THBS4: variants seen among roughly 807,000 people sequenced by gnomAD.
The protein encoded by THBS4 is thrombospondin 4.
THBS4 carries 90 observed loss-of-function variants against 115.7 expected under a neutral mutation model. The observed-to-expected ratio is 0.78, with a 90% CI of 0.66 to 0.93. The LOEUF (loss-of-function observed/expected upper bound fraction) is 0.93. Ranked by LOEUF, THBS4 falls within the 40% of genes least tolerant of loss-of-function variation. THBS4 has a pLI of 0.00. For synonymous variants in THBS4, 460 were observed against 479.3 expected, an observed-to-expected ratio of 0.96 and a Z score of 0.53; for missense variants, 1,087 against 1,232.7, an observed-to-expected ratio of 0.88 and a Z score of 1.77.
At position 80,072,290 on chromosome 5, in the gene THBS4, T is replaced by C. The variant is rs745548916; in HGVS notation, c.1733T>C (p.Ile578Thr). 1 of 1,614,146 alleles carries C rather than the reference T, an allele frequency of 6.2e-7. No individual in the cohort carries two copies. The highest frequency in any genetic ancestry group is 8.5e-7 in the Non-Finnish European group (1 of 1,180,006). Residue 578 changes from isoleucine to threonine, a missense_variant, in exon 14 of 22, where the codon ATT (isoleucine) becomes ACT (threonine). Physicochemically the swap from Ile to Thr is moderately conservative, Grantham distance 89 (BLOSUM62 -1). Transcript: ENST00000350881. ...DDMDGDGIKN[I>T]LDNCPKFPNR... ...TTCTTTCTCACAGGAATAAAAAACA[T>C]TCTGGACAACTGCCCAAAATTTCCC...
chr5:80,067,567 G>A (rs1833876095), intron 9 of THBS4: 1 of 154,140 alleles, frequency 6.5e-6, no homozygotes, highest in African/African-American at 2.4e-5. Context: ...AAGAGCCAAA[G>A]GAACAGCAAT....
chr5:80,045,388 TC>T lies in THBS4; in HGVS notation c.292+5109del, dbSNP rs1833029330. ...CTAAGGATAGGACATGTCAAATAGT[TC>T]AGAGTAGTGGTTCTGTAGCTTGCAA... On this transcript the variant is annotated intron_variant, in intron 2 of 21. Transcript: ENST00000350881. Among the ~76,000 whole-genome samples, 6 of 152,178 alleles carry T rather than the reference TC, an allele frequency of 3.9e-5. 1 individual carries two copies. The South Asian group carries it at 1.2e-3, about 32-fold the overall frequency.
chr5:80,042,828 T>C (rs888378578), intron 2 of THBS4, among the ~76,000 whole-genome samples: 3 of 152,044 alleles, frequency 2.0e-5, no homozygotes, highest in African/African-American at 7.2e-5. Context: ...TAGCCAGGCA[T>C]GGCAGTATGT....
intron 2 of THBS4, among the ~76,000 whole-genome samples, chr5:80,014,918 G>C (rs915981720): frequency 2.6e-5 from 4 of 152,222 alleles, no homozygotes; most frequent in African/African-American, 9.6e-5. Context: ...GGAGGAAAAA[G>C]AGTAGCACTC....
At chr5:79,999,603 CAAAT>C (rs1831858525) in intron 2 of THBS4, among the ~76,000 whole-genome samples, 1 of 152,148 alleles carries the variant, frequency 6.6e-6, no homozygotes, top group African/African-American at 2.4e-5. Flanking sequence ...TAATGAAGAA[CAAAT>C]AAATCCTGCC....
chr5:79,998,628 G>T (rs1386781332), intron 2 of THBS4, among the ~76,000 whole-genome samples: 2 of 152,094 alleles, frequency 1.3e-5, no homozygotes, highest in Admixed American at 1.3e-4. Context: ...TTTTAATATC[G>T]TACAATAGTT....
At chr5:80,004,244 A>G (rs775760505) in intron 2 of THBS4, among the ~76,000 whole-genome samples, 7 of 152,168 alleles carry the variant, frequency 4.6e-5, no homozygotes, top group Admixed American at 2.0e-4. Context: ...AAATGGGAAA[A>G]TTTTAGATTA....
chr5:80,020,663 C>G (rs1832352981), intron 2 of THBS4, among the ~76,000 whole-genome samples: 1 of 152,126 alleles, frequency 6.6e-6, no homozygotes, highest in Non-Finnish European at 1.5e-5. Context: ...CAGCAGGCAG[C>G]TGAATGAGGA....
At chr5:80,030,186 C>T (rs1374453643) in intron 2 of THBS4, among the ~76,000 whole-genome samples, 1 of 151,958 alleles carries the variant, frequency 6.6e-6, no homozygotes, top group Admixed American at 6.6e-5. Flanking sequence ...AGAATGTAAA[C>T]ATCTTTTTTT....
Position 80,035,738 on chromosome 5 carries a change from C to T in THBS4, c.88+113C>T. 1.4e-6 allele frequency: 1 copy of T among 738,712 alleles called. No homozygotes were observed. Among genetic ancestry groups the T allele is most frequent in the African/African-American group, 1.8e-5 (1 of 54,972 alleles). The allele number at this position is 738,712 out of a possible 1,614,324, so 45.8% of individuals were successfully genotyped here. A position where few individuals can be genotyped will look rare whatever the true frequency, so the allele number is the denominator to read the frequency against. ...TCCTGTGGCCTTGCTCAGCCCCTCT[C>T]TGTCCCTCCCGGGCCCAATCAAAGC... On this transcript the variant is annotated intron_variant, in intron 1 of 21. Transcript: ENST00000350881. The surrounding 1 kb of genome is among the most constrained non-coding windows in gnomAD (Gnocchi z 4.6).
intron 2 of THBS4, among the ~76,000 whole-genome samples, chr5:80,028,612 C>T (rs1278698860): frequency 6.6e-6 from 1 of 152,036 alleles, no homozygotes; most frequent in African/African-American, 2.4e-5. Flanking sequence ...ACGCCCACCA[C>T]CATGCCCAGC....
intron 5 of THBS4, 143 bp downstream of exon 5, chr5:80,058,933 G>A (rs1833528437): frequency 4.1e-6 from 3 of 726,272 alleles, no homozygotes; most frequent in South Asian, 3.7e-5. Context: ...CGCACGCCAG[G>A]GCTCTGCTGG....
chr5:80,004,670 A>G (rs1831980617), intron 2 of THBS4, among the ~76,000 whole-genome samples: 2 of 152,232 alleles, frequency 1.3e-5, no homozygotes, highest in East Asian at 1.9e-4. Flanking sequence ...TTCACTTACC[A>G]TGTGTAACTT....
chr5:80,016,352 T>C (rs1027069899), intron 2 of THBS4, among the ~76,000 whole-genome samples: 2 of 152,216 alleles, frequency 1.3e-5, no homozygotes, highest in Admixed American at 1.3e-4. Context: ...TCCTCCCATA[T>C]AACACCTACA....
At chr5:80,050,444 A>C (rs1197116990) in intron 2 of THBS4, among the ~76,000 whole-genome samples, 1 of 152,086 alleles carries the variant, frequency 6.6e-6, no homozygotes, top group Non-Finnish European at 1.5e-5. Context: ...GTGTGATGGC[A>C]GAAATGATTG....
At chr5:80,041,580 G>A (rs768055432) in intron 2 of THBS4, among the ~76,000 whole-genome samples, 12 of 152,094 alleles carry the variant, frequency 7.9e-5, no homozygotes, top group African/African-American at 1.2e-4. Flanking sequence ...CTCCCTGTGC[G>A]TGCCAATTTA....
chr5:80,065,063 A>G (rs1833765829), intron 8 of THBS4, among the ~76,000 whole-genome samples: 1 of 152,178 alleles, frequency 6.6e-6, no homozygotes, highest in Non-Finnish European at 1.5e-5. Flanking sequence ...CCAGAATTGA[A>G]AAAAGCTAAG....
At chr5:80,026,625 A>G (rs1388039719) in intron 2 of THBS4, among the ~76,000 whole-genome samples, 4 of 152,242 alleles carry the variant, frequency 2.6e-5, no homozygotes, top group Non-Finnish European at 5.9e-5. Flanking sequence ...AACTTTAATT[A>G]TGAGCCTTGA....
chr5:80,061,423 T>C (rs1833630079), intron 7 of THBS4, among the ~76,000 whole-genome samples: 1 of 152,182 alleles, frequency 6.6e-6, no homozygotes, highest in Non-Finnish European at 1.5e-5. Flanking sequence ...AGGGAGCTTA[T>C]TACATTGAGA....
Sources: gnomAD v4.1 joint callset for allele counts (sites outside exome capture counted in the v4.1 genomes callset) on GRCh38, gnomAD v4.1.1 for gene constraint, Gnocchi (gnomAD v3.1) non-coding constraint, MANE v1.5 for transcripts, NCBI Gene and HGNC (gene_info 2026-07-23, HGNC 2026-07-21) for gene names.